The following PLEKHS1 variants were observed in gnomAD, a reference collection of about 807,000 sequenced individuals.
The protein encoded by PLEKHS1 is pleckstrin homology domain-containing family S member 1.
PLEKHS1 carries 55 observed loss-of-function variants against 51.0 expected under a neutral mutation model. The ratio of observed to expected loss-of-function variants is 1.08; its 90% CI spans 0.87 to 1.35. The LOEUF (loss-of-function observed/expected upper bound fraction) is 1.35, where lower values mean the gene tolerates loss of function less well. Ranked by LOEUF, PLEKHS1 falls within the 40% of genes most tolerant of loss-of-function variation. The pLI is 0.00. For missense variants in PLEKHS1, 398 were observed against 423.0 expected, an observed-to-expected ratio of 0.94 and a Z score of 0.52; for synonymous variants, 153 against 144.8, an observed-to-expected ratio of 1.06 and a Z score of -0.41.
chr10:113,775,290 T>G (rs911262512), intron 10 of PLEKHS1, among the ~76,000 whole-genome samples: 1 of 152,076 alleles, frequency 6.6e-6, no homozygotes, highest in African/African-American at 2.4e-5. Context: ...GGCTACTCTT[T>G]CAGGTCCCAG....
intron 2 of PLEKHS1, among the ~76,000 whole-genome samples, chr10:113,756,040 T>A (rs1854091445): frequency 6.6e-6 from 1 of 152,232 alleles, no homozygotes. Context: ...CACTTCTTTG[T>A]AGATGAGTGG....
intron 11 of PLEKHS1, chr10:113,777,726 A>T (rs978890544): frequency 1.3e-6 from 2 of 1,492,428 alleles, no homozygotes. Flanking sequence ...TTCTACTACA[A>T]CTGACCATGG....
At chr10:113,752,869 G>A (rs761003090) in intron 1 of PLEKHS1, among the ~76,000 whole-genome samples, 2 of 152,118 alleles carry the variant, frequency 1.3e-5, no homozygotes, top group Non-Finnish European at 2.9e-5. Context: ...ATGTTATTTG[G>A]GAGTGTCCAT....
intron 2 of PLEKHS1, among the ~76,000 whole-genome samples, chr10:113,756,998 C>G (rs1030780744): frequency 1.4e-5 from 2 of 142,526 alleles, no homozygotes; most frequent in Non-Finnish European, 3.0e-5. Flanking sequence ...CTCACTGCAA[C>G]CTCTGCCTCC....
chr10:113,769,873 C>T, exon 7 of PLEKHS1: 1 of 1,613,858 alleles, frequency 6.2e-7, no homozygotes, highest in Non-Finnish European at 8.5e-7. Flanking sequence ...TTGGCTCCAG[C>T]TCACCAAGAA....
chr10:113,762,287 G>A (rs1593015754), intron 2 of PLEKHS1, among the ~76,000 whole-genome samples: 1 of 134,354 alleles, frequency 7.4e-6, no homozygotes, highest in East Asian at 2.3e-4. Flanking sequence ...TGTCTCTGTT[G>A]TTTTTCTGTG....
chr10:113,769,898 AAGG>A lies in PLEKHS1; in HGVS notation c.551_552+1del. 6.2e-7 allele frequency: 1 copy of A among 1,607,184 alleles called. No individual in the cohort carries two copies. Among genetic ancestry groups the A allele is most frequent in the Non-Finnish European group, 8.5e-7 (1 of 1,173,732 alleles). On this transcript the variant is annotated splice_donor_variant and coding_sequence_variant, in exon 7 of 12. Coordinates refer to ENST00000361048, the Ensembl canonical transcript of PLEKHS1. LOFTEE classifies it high-confidence loss of function. ...CTCACCAAGAAATGGTCTCCAAGAC[AAGG>A]TAATGGGGCTCACTTCTTTCTCAGG...
intron 4 of PLEKHS1, 31 bp downstream of exon 4, chr10:113,766,749 C>A (rs539606658): frequency 2.0e-6 from 3 of 1,469,220 alleles, no homozygotes; most frequent in Non-Finnish European, 2.8e-6. Context: ...ACTTTTATAA[C>A]AACAAATACT....
At chr10:113,755,410 G>GTGGTT in intron 2 of PLEKHS1, 105 bp downstream of exon 2, 1 of 1,489,308 alleles carries the variant, frequency 6.7e-7, no homozygotes, top group Non-Finnish European at 8.9e-7. Flanking sequence ...TTTTGTGTAT[G>GTGGTT]TTGTTTTGTT....
At chr10:113,753,339 A>C (rs867300) in intron 1 of PLEKHS1, among the ~76,000 whole-genome samples, 14,734 of 152,286 alleles carry the variant, frequency 0.097, 798 homozygotes, top group South Asian at 0.15. Flanking sequence ...GGATTTGATA[A>C]GAAATCTCAG....
intron 2 of PLEKHS1, among the ~76,000 whole-genome samples, chr10:113,761,209 G>T (rs4918867): frequency 1.3e-5 from 2 of 151,994 alleles, no homozygotes; most frequent in African/African-American, 4.8e-5. Context: ...TTTTGAAATT[G>T]GGAAGTGTGT....
exon 9 of PLEKHS1, chr10:113,774,277 T>C (rs1050553079): frequency 1.2e-6 from 2 of 1,602,556 alleles, no homozygotes; most frequent in Non-Finnish European, 1.7e-6. Context: ...TTGAAACTGA[T>C]GGTCCAGACC....
intron 1 of PLEKHS1, 64 bp from the exon 2 acceptor site, chr10:113,755,195 T>A: frequency 6.6e-7 from 1 of 1,509,538 alleles, no homozygotes; most frequent in Non-Finnish European, 8.9e-7. Flanking sequence ...TGACCAGCGG[T>A]GGCTGGTCAA....
chr10:113,761,536 C>T (rs1843933686), intron 2 of PLEKHS1, among the ~76,000 whole-genome samples: 1 of 151,812 alleles, frequency 6.6e-6, no homozygotes, highest in South Asian at 2.1e-4. Context: ...CTTTTGGATG[C>T]TATTGTAAAT....
In PLEKHS1 at chr10:113,762,298, T is replaced by C. The variant is rs574327592; in HGVS notation, c.29-4113T>C. Among the ~76,000 whole-genome samples, 4 of 151,678 alleles carry C rather than the reference T, an allele frequency of 2.6e-5. No individual in the cohort carries two copies. In the South Asian group the frequency reaches 6.3e-4, roughly 24 times the overall value. On this transcript the variant is annotated intron_variant, in intron 2 of 11. Transcript: ENST00000361048. Reference sequence around the variant, plus strand: ...TGGTTGTCTCTGTTGTTTTTCTGTGTTCTCTTTCATTGAATTCCACTTTTA... The same window carrying C: ...TGGTTGTCTCTGTTGTTTTTCTGTGCTCTCTTTCATTGAATTCCACTTTTA...
chr10:113,759,445 A>C (rs1469283397), intron 2 of PLEKHS1, among the ~76,000 whole-genome samples: 1 of 152,180 alleles, frequency 6.6e-6, no homozygotes, highest in South Asian at 2.1e-4. Flanking sequence ...TTTTCTGCAC[A>C]CCCAATCCCA....
intron 2 of PLEKHS1, among the ~76,000 whole-genome samples, chr10:113,764,422 T>C (rs1027922855): frequency 6.6e-6 from 1 of 152,218 alleles, no homozygotes; most frequent in Non-Finnish European, 1.5e-5. Flanking sequence ...TTTTACTTTT[T>C]CTTGCTTGCA....
Position 113,752,233 on chromosome 10 carries a change from TA to T in PLEKHS1, c.-20+474del, listed in dbSNP as rs569585711. Among the ~76,000 whole-genome samples the T allele has an allele frequency of 5.7e-3, 861 of 152,334 alleles. 9 individuals are homozygous for T. Among genetic ancestry groups the T allele is most frequent in the Non-Finnish European group, 7.5e-3 (507 of 68,028 alleles). On this transcript the variant is annotated intron_variant, in intron 1 of 11. Transcript: ENST00000361048. ...AAGTAAAGTTGTTTAATCTCTCCGA[TA>T]ACCATTTCCTCGTCTGTAAATGGGC...
At chr10:113,771,809 C>T (rs1288202392) in intron 7 of PLEKHS1, among the ~76,000 whole-genome samples, 161 bp from the exon 8 acceptor site, 1 of 152,086 alleles carries the variant, frequency 6.6e-6, no homozygotes, top group African/African-American at 2.4e-5. Context: ...GACCCAGACT[C>T]AAGAGGCAAG....
Sources: gnomAD v4.1 joint callset for allele counts (sites outside exome capture counted in the v4.1 genomes callset) on GRCh38, gnomAD v4.1.1 for gene constraint, MANE v1.5 for transcripts, NCBI Gene and HGNC (gene_info 2026-07-23, HGNC 2026-07-21) for gene names.